The following PRKACB variants were observed in gnomAD, a reference collection of about 807,000 sequenced individuals.
The protein encoded by PRKACB is cAMP-dependent protein kinase catalytic subunit beta.
Under a neutral mutation model 51.4 loss-of-function variants are expected in PRKACB, and 16 were observed. That is an observed-to-expected ratio of 0.31 (90% CI 0.21 to 0.47). The LOEUF (loss-of-function observed/expected upper bound fraction) is 0.47, where lower values mean the gene tolerates loss of function less well. Ranked by LOEUF, PRKACB falls within the 20% of genes least tolerant of loss-of-function variation. PRKACB has a pLI of 1.00. For synonymous variants in PRKACB, 147 were observed against 154.4 expected (o/e 0.95, Z 0.35); for missense variants, 309 against 464.5 (o/e 0.67, Z 3.08).
chr1:84,126,318 G>A (rs1651603621), intron 1 of PRKACB, among the ~76,000 whole-genome samples: 1 of 152,176 alleles, frequency 6.6e-6, no homozygotes. Flanking sequence ...ATTTTACTGA[G>A]CAGTAGAAGT....
chr1:84,128,964 C>T (rs939177159), intron 1 of PRKACB, among the ~76,000 whole-genome samples: 4 of 152,154 alleles, frequency 2.6e-5, no homozygotes, highest in South Asian at 4.1e-4. Flanking sequence ...TTTTAATTTA[C>T]GTAACCATGT....
At chr1:84,178,986 T>C in intron 1 of PRKACB, 191 bp from the exon 2 acceptor site, 2 of 520,670 alleles carry the variant, frequency 3.8e-6, no homozygotes, top group Non-Finnish European at 6.0e-6. Context: ...TATTAGAGAA[T>C]CTTAGAGATT....
chr1:84,103,477 AG>A (rs1325312517), intron 1 of PRKACB, among the ~76,000 whole-genome samples: 1 of 152,114 alleles, frequency 6.6e-6, no homozygotes, highest in Non-Finnish European at 1.5e-5. Flanking sequence ...GCACTAGATA[AG>A]GTGAATTATT....
Position 84,167,324 on chromosome 1 carries a change from A to G in PRKACB, c.188-11853A>G, listed in dbSNP as rs1657831303. Reference sequence around the variant, plus strand: ...AAAGTTAAACTCCTTATTAGGTCACATGCAATCAATGACTTACCTTTTTGG... The same window carrying G: ...AAAGTTAAACTCCTTATTAGGTCACGTGCAATCAATGACTTACCTTTTTGG... On this transcript the variant is annotated intron_variant, in intron 1 of 9. Transcript: ENST00000370685. 2.0e-5 allele frequency among the ~76,000 whole-genome samples: 3 copies of G among 151,620 alleles called. No individual in the cohort carries two copies. In the South Asian group the frequency reaches 6.2e-4, roughly 31 times the overall value.
intron 5 of PRKACB, among the ~76,000 whole-genome samples, chr1:84,187,406 T>C (rs1665458185): frequency 6.6e-6 from 1 of 152,148 alleles, no homozygotes; most frequent in Non-Finnish European, 1.5e-5. Flanking sequence ...ATATGGAGTC[T>C]TGTTCTAGTG....
chr1:84,137,679 G>C (rs1444170692), intron 1 of PRKACB, among the ~76,000 whole-genome samples: 1 of 152,196 alleles, frequency 6.6e-6, no homozygotes, highest in African/African-American at 2.4e-5. Flanking sequence ...GGAGGCAAAA[G>C]AGTACTGTAG....
intron 6 of PRKACB, 56 bp from the exon 7 acceptor site, chr1:84,197,673 A>T: frequency 8.5e-7 from 1 of 1,181,424 alleles, no homozygotes; most frequent in South Asian, 1.5e-5. Flanking sequence ...AGGTGCAATA[A>T]ATACATTTAT....
chr1:84,135,765 G>A (rs1034845848), intron 1 of PRKACB, among the ~76,000 whole-genome samples: 1 of 152,030 alleles, frequency 6.6e-6, no homozygotes, highest in Admixed American at 6.5e-5. Context: ...AGTAAAGGCA[G>A]TGCTTAGGGG....
chr1:84,150,262 A>T (rs1420200214), intron 1 of PRKACB, among the ~76,000 whole-genome samples: 2 of 152,208 alleles, frequency 1.3e-5, no homozygotes, highest in African/African-American at 4.8e-5. Context: ...TGGGTGACAG[A>T]GTGAGACTCT....
chr1:84,106,177 T>C (rs144630803), intron 1 of PRKACB, among the ~76,000 whole-genome samples: 1,694 of 152,174 alleles, frequency 0.011, 40 homozygotes, highest in African/African-American at 0.039. Context: ...CTCCCATGGA[T>C]ACCAAGGGGT....
At chr1:84,118,659 A>G (rs547139983) in intron 1 of PRKACB, among the ~76,000 whole-genome samples, 4 of 152,258 alleles carry the variant, frequency 2.6e-5, no homozygotes, top group African/African-American at 9.6e-5. Flanking sequence ...AACAGCAGAA[A>G]GAGTGAAATA....
At position 84,151,520 on chromosome 1, in the gene PRKACB, G is replaced by A. The variant is rs139543682; in HGVS notation, c.187+6972G>A. Among the ~76,000 whole-genome samples the A allele has an allele frequency of 1.8e-4, 27 of 152,232 alleles. No individual in the cohort carries two copies. The East Asian group carries it at 4.1e-3, about 23-fold the overall frequency. On this transcript the variant is annotated intron_variant, in intron 1 of 9. Transcript: ENST00000370685. ...TCTGTAGCATGTGATGTTTTTGGTA[G>A]CATTTTACCCACAGTAGAACTTCTT...
chr1:84,213,040 A>G (rs1333833409), intron 8 of PRKACB, among the ~76,000 whole-genome samples: 1 of 152,196 alleles, frequency 6.6e-6, no homozygotes, highest in African/African-American at 2.4e-5. Flanking sequence ...TAGCACTTGT[A>G]GAGAAACAAA....
chr1:84,116,349 A>G (rs1486820252), intron 1 of PRKACB, among the ~76,000 whole-genome samples: 1 of 152,140 alleles, frequency 6.6e-6, no homozygotes, highest in Non-Finnish European at 1.5e-5. Context: ...TTGCACATGA[A>G]TTTTAGAATT....
At chr1:84,149,363 G>A (rs569230498) in intron 1 of PRKACB, among the ~76,000 whole-genome samples, 54 of 151,994 alleles carry the variant, frequency 3.6e-4, no homozygotes, top group African/African-American at 7.0e-4. Flanking sequence ...AGGCTCAAGC[G>A]ATCCTCCCAT....
chr1:84,125,426 T>C (rs1488903414), intron 1 of PRKACB, among the ~76,000 whole-genome samples: 1 of 152,200 alleles, frequency 6.6e-6, no homozygotes, highest in Admixed American at 6.5e-5. Context: ...CCCACCTAAG[T>C]AATCCAGAGG....
chr1:84,208,116 T>C (rs1373719466), intron 8 of PRKACB, among the ~76,000 whole-genome samples: 1 of 152,140 alleles, frequency 6.6e-6, no homozygotes, highest in Non-Finnish European at 1.5e-5. Flanking sequence ...GATCCACCTG[T>C]CTTGGCGTCT....
intron 1 of PRKACB, among the ~76,000 whole-genome samples, chr1:84,112,758 G>A (rs912948975): frequency 6.6e-6 from 1 of 152,148 alleles, no homozygotes; most frequent in Non-Finnish European, 1.5e-5. Flanking sequence ...AGGTAGCAAG[G>A]TATCTTATTT....
chr1:84,217,734 A>G, intron 9 of PRKACB, among the ~76,000 whole-genome samples: 1 of 152,190 alleles, frequency 6.6e-6, no homozygotes, highest in Non-Finnish European at 1.5e-5. Flanking sequence ...TCAAGGCTGC[A>G]GTGAGCCATG....
Sources: allele counts gnomAD v4.1 joint callset (sites outside exome capture counted in the v4.1 genomes callset), GRCh38; gene constraint gnomAD v4.1.1; transcripts MANE v1.5; gene names NCBI Gene and HGNC (gene_info 2026-07-23, HGNC 2026-07-21).